The following PTDSS2 variants were observed in gnomAD, a reference collection of about 807,000 sequenced individuals.
The protein encoded by PTDSS2 is phosphatidylserine synthase 2.
A neutral mutation model predicts 64.7 loss-of-function variants in PTDSS2; 41 were observed. The observed-to-expected ratio is 0.63, with a 90% CI of 0.49 to 0.82. PTDSS2 has a LOEUF of 0.82. Ranked by LOEUF, PTDSS2 falls within the 40% of genes least tolerant of loss-of-function variation. The probability of loss-of-function intolerance (pLI) is 0.00; values close to 1 mark genes in which losing one functional copy is unlikely to be tolerated. For synonymous variants in PTDSS2, 297 were observed against 277.8 expected (o/e 1.07, Z -0.69); for missense variants, 485 against 650.0 (o/e 0.75, Z 2.76).
Position 479,325 on chromosome 11 carries a change from C to G in PTDSS2, c.435+173C>G. Reference sequence around the variant, plus strand: ...GGTCTCCAGGAGCATCTGTGCGGCCCTTGAGTGATGGGGGGCAGCAAAGCT... The same window carrying G: ...GGTCTCCAGGAGCATCTGTGCGGCCGTTGAGTGATGGGGGGCAGCAAAGCT... On this transcript the variant is annotated intron_variant, in intron 4 of 11. Transcript: ENST00000308020. The surrounding 1 kb of genome is among the most constrained non-coding windows in gnomAD (Gnocchi z 4.2). 1 of 673,518 alleles carries G rather than the reference C, an allele frequency of 1.5e-6. No homozygotes were observed. The highest frequency in any genetic ancestry group is 2.7e-6 in the Non-Finnish European group (1 of 377,006). 41.7% of individuals were successfully genotyped at this position (673,518 alleles called of 1,614,324 possible).
chr11:459,140 A>G (rs1247825505), intron 1 of PTDSS2: 1 of 109,160 alleles, frequency 9.2e-6, no homozygotes, highest in Non-Finnish European at 1.8e-5. Context: ...GTGAGGACAC[A>G]CTCCGGTGGA....
At chr11:486,414 G>A (rs71487293) in intron 4 of PTDSS2, among the ~76,000 whole-genome samples, 14,942 of 152,262 alleles carry the variant, frequency 0.098, 1,023 homozygotes, top group Admixed American at 0.19. Flanking sequence ...CCCGGGGAGC[G>A]CAGGTGTGGA....
rs1374812400 is a variant in PTDSS2 at position 460,415 on chromosome 11, G to A, written c.284+127G>A. The A allele has an allele frequency of 2.8e-6, 2 of 721,298 alleles. No individual in the cohort carries two copies. Among genetic ancestry groups the A allele is most frequent in the Non-Finnish European group, 4.8e-6 (2 of 415,110 alleles). 44.7% of individuals were successfully genotyped at this position (721,298 alleles called of 1,614,324 possible). ...ACCAGAGGGCTGCGTGGGGCCGCCG[G>A]CCTCTCCCTTGAGTGTGTCTGATGT... On this transcript the variant is annotated intron_variant, in intron 2 of 11. Coordinates refer to ENST00000308020, the MANE Select transcript of PTDSS2 (RefSeq NM_030783.3). The surrounding 1 kb of genome is among the most constrained non-coding windows in gnomAD (Gnocchi z 5.8).
intron 2 of PTDSS2, among the ~76,000 whole-genome samples, chr11:471,991 ATGGCGGCCTGGGGTGACG>A: frequency 7.7e-6 from 1 of 129,390 alleles, no homozygotes; most frequent in African/African-American, 3.0e-5. Flanking sequence ...GGTGACGCGG[ATGGCGGCCTGGGGTGACG>A]CGGATGGCGG....
chr11:486,864 TAAAC>T (rs1389848589), intron 4 of PTDSS2, 71 bp from the exon 5 acceptor site: 24 of 1,510,204 alleles, frequency 1.6e-5, no homozygotes, highest in African/African-American at 7.0e-5. Flanking sequence ...ATAAAATAAA[TAAAC>T]AACCATGATC....
chr11:473,287 C>A (rs1363981449), intron 2 of PTDSS2, among the ~76,000 whole-genome samples: 2 of 152,236 alleles, frequency 1.3e-5, no homozygotes, highest in African/African-American at 4.8e-5. Context: ...TTATGAATCA[C>A]AGGAGTCCCG....
At chr11:489,323 AAC>A (rs1848554770) in intron 8 of PTDSS2, 75 bp from the exon 9 acceptor site, 2 of 1,261,946 alleles carry the variant, frequency 1.6e-6, no homozygotes, top group East Asian at 4.8e-5. Flanking sequence ...GGTGACCAGG[AAC>A]AGTCTGTTGC....
At chr11:482,021 T>A (rs1269509610) in intron 4 of PTDSS2, among the ~76,000 whole-genome samples, 3 of 151,278 alleles carry the variant, frequency 2.0e-5, no homozygotes, top group African/African-American at 4.9e-5. Flanking sequence ...TTTTTTTTTT[T>A]AATTTTTAGT....
Position 489,455 on chromosome 11 carries a change from G to A in PTDSS2, c.910G>A (p.Glu304Lys), listed in dbSNP as rs201475915. 2.0e-5 allele frequency: 33 copies of A among 1,613,248 alleles called. No homozygotes were observed. The highest frequency in any genetic ancestry group is 6.7e-5 in the African/African-American group (5 of 75,026). Reference sequence around the variant, plus strand: ...CACGCCGTACAGCTGGGTTCGCTTCGAGTGGAAGCCGGCCTCCAGCCTGCG... The same window carrying A: ...CACGCCGTACAGCTGGGTTCGCTTCAAGTGGAAGCCGGCCTCCAGCCTGCG... Reference protein sequence around the residue: ...QFTPYSWVRFEWKPASSLRRW... With the variant: ...QFTPYSWVRFKWKPASSLRRW... Residue 304 changes from glutamate to lysine, a missense_variant, in exon 9 of 12, where the codon GAG (glutamate) becomes AAG (lysine). This residue lies in a region of PTDSS2 where 219 missense variants were observed against 257.3 expected (regional missense o/e 0.85). Coordinates refer to ENST00000308020, the MANE Select transcript of PTDSS2 (RefSeq NM_030783.3).
intron 1 of PTDSS2, chr11:451,246 G>C (rs991353975): frequency 2.8e-6 from 1 of 353,042 alleles, no homozygotes; most frequent in Non-Finnish European, 5.9e-6. Context: ...GCACAACTCA[G>C]CCCTAGCTAC....
At chr11:474,017 TTC>T (rs766556632) in intron 3 of PTDSS2, 40 bp downstream of exon 3, 4 of 1,515,496 alleles carry the variant, frequency 2.6e-6, no homozygotes, top group Non-Finnish European at 3.7e-6. Context: ...CCTGTGGCAT[TTC>T]TGTTCTGAGC....
At position 489,436 on chromosome 11, in the gene PTDSS2, G is replaced by C. The variant is rs112480384; in HGVS notation, c.891G>C (p.Pro297=). ...KMKRIAFQFT[P]YSWVRFEWKP... is the part of the protein sequence containing the mutation. ...AGAGGATCGCCTTCCAGTTCACGCC[G>C]TACAGCTGGGTTCGCTTCGAGTGGA... Residue 297 remains proline (P), a synonymous_variant, in exon 9 of 12, where the codon CCG becomes CCC. Coordinates refer to ENST00000308020, the MANE Select transcript of PTDSS2 (RefSeq NM_030783.3). 6.2e-7 allele frequency: 1 copy of C among 1,613,482 alleles called. No individual in the cohort carries two copies. Among genetic ancestry groups the C allele is most frequent in the Admixed American group, 1.7e-5 (1 of 60,028 alleles).
chr11:481,323 G>A (rs1031179021), intron 4 of PTDSS2, among the ~76,000 whole-genome samples: 3 of 152,154 alleles, frequency 2.0e-5, no homozygotes, highest in African/African-American at 7.2e-5. Flanking sequence ...AGATGGTTTT[G>A]AATCATCTGG....
At chr11:458,686 T>TG (rs1382337987) in intron 1 of PTDSS2, 3 of 152,044 alleles carry the variant, frequency 2.0e-5, no homozygotes, top group Non-Finnish European at 4.4e-5. Flanking sequence ...TTTATAGAGA[T>TG]GGGGTCTCAC....
intron 3 of PTDSS2, among the ~76,000 whole-genome samples, chr11:474,267 C>T (rs1847616879): frequency 6.6e-6 from 1 of 152,150 alleles, no homozygotes; most frequent in Non-Finnish European, 1.5e-5. Flanking sequence ...TTTCCACAGA[C>T]CAGAGTGGCC....
rs902577430 is a variant in PTDSS2, at chr11:490,514, C to A, written c.1396C>A (p.Leu466Met). ...CGTCGGCAACGGGGACCAGCACCCA[C>A]TGGGGCTGGACGAAGACCTGCTGGG... ...STVGNGDQHP[L>M]GLDEDLLGPG... Residue 466 changes from leucine (L) to methionine (M), a missense_variant, in exon 12 of 12, where the codon CTG becomes ATG. Leu to Met is a conservative substitution (Grantham distance 15). Transcript: ENST00000308020. 3.0e-5 allele frequency: 48 copies of A among 1,612,828 alleles called. No individual in the cohort carries two copies. The highest frequency in any genetic ancestry group is 4.0e-5 in the Non-Finnish European group (47 of 1,179,824).
chr11:467,264 G>A (rs1211507228), intron 2 of PTDSS2, among the ~76,000 whole-genome samples: 2 of 152,174 alleles, frequency 1.3e-5, no homozygotes, highest in Non-Finnish European at 2.9e-5. Context: ...GGGAGATTGC[G>A]GTGGGAGGAT....
rs1846879192 is a variant in PTDSS2, at chr11:461,473, G to C, written c.284+1185G>C. Among the ~76,000 whole-genome samples the C allele has an allele frequency of 6.6e-6, 1 of 152,122 alleles. No individual in the cohort carries two copies. Among genetic ancestry groups the C allele is most frequent in the Non-Finnish European group, 1.5e-5 (1 of 68,000 alleles). ...TTACTGTTGAGGTGCCTGGACCCAG[G>C]ACTCTGCAGCCTGCTCCCCAGATGA... On this transcript the variant is annotated intron_variant, in intron 2 of 11. Coordinates refer to ENST00000308020, the MANE Select transcript of PTDSS2 (RefSeq NM_030783.3). The surrounding 1 kb of genome is among the most constrained non-coding windows in gnomAD (Gnocchi z 4.2).
At chr11:477,651 C>T (rs374359626) in intron 3 of PTDSS2, among the ~76,000 whole-genome samples, 3 of 152,162 alleles carry the variant, frequency 2.0e-5, no homozygotes, top group African/African-American at 2.4e-5. Context: ...TAGTACTGGT[C>T]GTGGTGACCT....
Sources: allele counts gnomAD v4.1 joint callset (sites outside exome capture counted in the v4.1 genomes callset), GRCh38; gene constraint gnomAD v4.1.1; regional missense constraint gnomAD v4.1.1; non-coding constraint Gnocchi (gnomAD v3.1); transcripts MANE v1.5; gene names NCBI Gene and HGNC (gene_info 2026-07-23, HGNC 2026-07-21).